CXADR: variants seen among roughly 807,000 people sequenced by gnomAD.
CXADR encodes coxsackievirus and adenovirus receptor.
A neutral mutation model predicts 40.3 loss-of-function variants in CXADR; 20 were observed. The ratio of observed to expected loss-of-function variants is 0.50; its 90% CI spans 0.35 to 0.72. The LOEUF (loss-of-function observed/expected upper bound fraction) is 0.72. Among genes scored for constraint, CXADR ranks in the 30% least tolerant of loss-of-function variants. The pLI is 0.01. For missense variants in CXADR, 332 were observed against 449.1 expected, an observed-to-expected ratio of 0.74 and a Z score of 2.36; for synonymous variants, 150 against 161.3, an observed-to-expected ratio of 0.93 and a Z score of 0.53.
chr21:17,586,977 G>A (rs2061401572), intron 7 of CXADR, among the ~76,000 whole-genome samples: 1 of 152,100 alleles, frequency 6.6e-6, no homozygotes, highest in Non-Finnish European at 1.5e-5. Context: ...CTATGAGTGA[G>A]AACATGCGGT....
downstream of CXADR, among the ~76,000 whole-genome samples, chr21:17,572,692 A>G (rs1007056586): frequency 6.6e-6 from 1 of 152,052 alleles, no homozygotes; most frequent in Non-Finnish European, 1.5e-5. Flanking sequence ...TTCCATGCTG[A>G]GGCACTAACT....
chr21:17,522,845 A>G (rs2060548768), intron 1 of CXADR, among the ~76,000 whole-genome samples: 1 of 151,944 alleles, frequency 6.6e-6, no homozygotes, highest in Admixed American at 6.6e-5. Context: ...CCACATCAAA[A>G]CCATCCACTT....
chr21:17,593,349 G>C (rs1357334420), exon 8 of CXADR: 2 of 636,336 alleles, frequency 3.1e-6, no homozygotes, highest in African/African-American at 1.9e-5. Context: ...AGACATGTAA[G>C]TCAGATGTCA....
At chr21:17,633,399 T>C in the CXADR span, among the ~76,000 whole-genome samples, 1 of 152,094 alleles carries the variant, frequency 6.6e-6, no homozygotes, top group Non-Finnish European at 1.5e-5. Flanking sequence ...ACTCCATCTC[T>C]ACAAAAAATA....
At position 17,569,731 on chromosome 21, in the gene CXADR, A is replaced by AT; in HGVS notation, c.*4040dup. 2 of 968,982 alleles carry AT rather than the reference A, an allele frequency of 2.1e-6. No individual in the cohort carries two copies. The highest frequency in any genetic ancestry group is 1.2e-6 in the Non-Finnish European group (1 of 815,148). 60.0% of individuals were successfully genotyped at this position (968,982 alleles called of 1,614,324 possible). ...ATTTTATAATTTAAGAATATAGTAC[A>AT]TATCAGTTGGGTTTGGTTTTGGTCA... On this transcript the variant is annotated 3_prime_UTR_variant, in exon 7 of 7. Coordinates refer to ENST00000284878, the MANE Select transcript of CXADR (RefSeq NM_001338.5).
At chr21:17,528,745 A>C (rs190157000) in intron 1 of CXADR, among the ~76,000 whole-genome samples, 16 of 152,188 alleles carry the variant, frequency 1.1e-4, no homozygotes, top group Admixed American at 7.2e-4. Flanking sequence ...TTCACTTCTA[A>C]AATCTTGAAC....
At chr21:17,597,588 C>T (rs1016771798), downstream of CXADR, among the ~76,000 whole-genome samples, 2 of 151,840 alleles carry the variant, frequency 1.3e-5, no homozygotes, top group Non-Finnish European at 2.9e-5. Flanking sequence ...ATTATACTGT[C>T]TTGTACTGTT....
intron 1 of CXADR, among the ~76,000 whole-genome samples, chr21:17,522,376 G>A (rs913354933): frequency 1.3e-5 from 2 of 152,050 alleles, no homozygotes; most frequent in Admixed American, 6.5e-5. Flanking sequence ...GTGAACTCCC[G>A]ACCTCAGGTG....
chr21:17,589,521 C>G (rs2061420075), intron 7 of CXADR, among the ~76,000 whole-genome samples: 1 of 151,974 alleles, frequency 6.6e-6, no homozygotes, highest in African/African-American at 2.4e-5. Context: ...CCTCTGAGAA[C>G]ACTAACTACC....
intron 3 of CXADR, among the ~76,000 whole-genome samples, chr21:17,556,042 A>T (rs958903522): frequency 7.9e-5 from 12 of 152,246 alleles, no homozygotes; most frequent in Non-Finnish European, 1.3e-4. Context: ...GTGGGATACC[A>T]TGTCCAACTA....
downstream of CXADR, among the ~76,000 whole-genome samples, chr21:17,570,711 A>G (rs2123350989): frequency 6.6e-6 from 1 of 152,316 alleles, no homozygotes; most frequent in Middle Eastern, 3.4e-3. Flanking sequence ...GGCTAATAAA[A>G]TGTATATCAA....
chr21:17,537,521 C>T (rs1324584776), intron 1 of CXADR, among the ~76,000 whole-genome samples: 1 of 152,074 alleles, frequency 6.6e-6, no homozygotes, highest in East Asian at 1.9e-4. Flanking sequence ...AGTTGCCTAA[C>T]TCATAATTCA....
At chr21:17,521,109 G>A (rs954426054) in intron 1 of CXADR, among the ~76,000 whole-genome samples, 1 of 152,084 alleles carries the variant, frequency 6.6e-6, no homozygotes, top group African/African-American at 2.4e-5. Flanking sequence ...ATGTGAGGCG[G>A]GGGAAACATG....
the CXADR span, among the ~76,000 whole-genome samples, chr21:17,615,254 A>C: frequency 1.3e-5 from 2 of 152,172 alleles, no homozygotes; most frequent in Admixed American, 1.3e-4. Context: ...CAGACACTGG[A>C]TCTGCTGGTA....
the CXADR span, among the ~76,000 whole-genome samples, chr21:17,624,022 C>T: frequency 6.6e-6 from 1 of 152,144 alleles, no homozygotes; most frequent in Non-Finnish European, 1.5e-5. Context: ...TCACAGTGAT[C>T]CTTTTATCGT....
chr21:17,585,543 G>A (rs897021597), intron 7 of CXADR, among the ~76,000 whole-genome samples: 5 of 151,672 alleles, frequency 3.3e-5, no homozygotes, highest in Admixed American at 3.3e-4. Flanking sequence ...TTTTGAGACC[G>A]AGTCTCGCTC....
rs189650192 is a variant in CXADR at position 17,560,562 on chromosome 21, A to G, written c.572-140A>G. On this transcript the variant is annotated intron_variant, in intron 4 of 6. Coordinates refer to ENST00000284878, the MANE Select transcript of CXADR (RefSeq NM_001338.5). Reference sequence around the variant, plus strand: ...ATTCTGGAAACATCTGTGTGGCTCAATGCCAGTTTGCTTGCATCCAGCCTT... The same window carrying G: ...ATTCTGGAAACATCTGTGTGGCTCAGTGCCAGTTTGCTTGCATCCAGCCTT... 1.6e-4 allele frequency: 110 copies of G among 690,608 alleles called. No individual in the cohort carries two copies. In the East Asian group the frequency reaches 2.6e-3, roughly 16 times the overall value. 42.8% of individuals were successfully genotyped at this position (690,608 alleles called of 1,614,324 possible). A position where few individuals can be genotyped will look rare whatever the true frequency, so the allele number is the denominator to read the frequency against.
chr21:17,522,172 G>T (rs2060539140), intron 1 of CXADR, among the ~76,000 whole-genome samples: 1 of 151,394 alleles, frequency 6.6e-6, no homozygotes, highest in Non-Finnish European at 1.5e-5. Flanking sequence ...TTTGGAGACG[G>T]AGTTTTGCTC....
intron 7 of CXADR, among the ~76,000 whole-genome samples, chr21:17,577,968 C>CT (rs952909290): frequency 5.3e-5 from 8 of 150,818 alleles, no homozygotes; most frequent in South Asian, 4.2e-4. Context: ...TATAGCAGGA[C>CT]TTTTTTTTTA....
Sources: allele counts gnomAD v4.1 joint callset (sites outside exome capture counted in the v4.1 genomes callset), GRCh38; gene constraint gnomAD v4.1.1; transcripts MANE v1.5; gene names NCBI Gene and HGNC (gene_info 2026-07-23, HGNC 2026-07-21).